SLC5A10: variants seen among roughly 807,000 people sequenced by gnomAD.
SLC5A10 encodes the protein solute carrier family 5 member 10.
Under a neutral mutation model 68.9 loss-of-function variants are expected in SLC5A10, and 55 were observed. The ratio of observed to expected loss-of-function variants is 0.80; its 90% CI spans 0.64 to 1.00. SLC5A10 has a LOEUF of 1.00. Among genes scored for constraint, SLC5A10 ranks in the 50% least tolerant of loss-of-function variants. The pLI, the probability that SLC5A10 is intolerant of heterozygous loss-of-function variation, is 0.00. For synonymous variants in SLC5A10, 344 were observed against 344.8 expected (o/e 1.00, Z 0.02); for missense variants, 732 against 819.3 (o/e 0.89, Z 1.30).
rs1250314380 is a variant in SLC5A10 at position 18,960,295 on chromosome 17, T to C, written c.349-253T>C. Among the ~76,000 whole-genome samples, 5 of 152,278 alleles carry C rather than the reference T, an allele frequency of 3.3e-5. No homozygotes were observed. The South Asian group carries it at 1.0e-3, about 32-fold the overall frequency. On this transcript the variant is annotated intron_variant, in intron 4 of 14. Transcript: ENST00000395645. The stretch of plus-strand genomic sequence containing the variant: ...CGGCCCCTCCAATCCATTCCTCGTC[T>C]CAGCCCTAAAGAGCCAGTCTAGGGA...
At chr17:19,015,724 C>T (rs1025946541) in intron 11 of SLC5A10, among the ~76,000 whole-genome samples, 15 of 152,224 alleles carry the variant, frequency 9.9e-5, no homozygotes, top group African/African-American at 3.4e-4. Context: ...GTGCAGTCCT[C>T]CCTGAGACCC....
intron 9 of SLC5A10, among the ~76,000 whole-genome samples, chr17:18,993,554 A>T (rs966082186): frequency 3.9e-5 from 6 of 152,124 alleles, no homozygotes; most frequent in Non-Finnish European, 7.4e-5. Flanking sequence ...CTCTCTCCTC[A>T]CTATGCTCCA....
At chr17:18,966,441 A>C (rs2042710163) in intron 5 of SLC5A10, among the ~76,000 whole-genome samples, 1 of 151,244 alleles carries the variant, frequency 6.6e-6, no homozygotes, top group Non-Finnish European at 1.5e-5. Context: ...TTGGGCCTTG[A>C]CCTCCCCATC....
rs144243751 is a variant in SLC5A10, at chr17:18,974,308, G to A, written c.847-2546G>A. On this transcript the variant is annotated intron_variant, in intron 8 of 14. Coordinates refer to ENST00000395645, the MANE Select transcript of SLC5A10 (RefSeq NM_001042450.4). ...CCCAAAGTGCTGGGATACAGGCATG[G>A]ACCGTTCACTATCTTCTGGCTCATC... is the stretch of plus-strand genomic sequence containing the variant. Among the ~76,000 whole-genome samples the A allele has an allele frequency of 2.0e-5, 3 of 152,360 alleles. No individual in the cohort carries two copies. The East Asian group carries it at 5.8e-4, about 29-fold the overall frequency.
intron 1 of SLC5A10, chr17:18,953,600 G>C (rs1430777943): frequency 6.6e-6 from 1 of 152,546 alleles, no homozygotes; most frequent in East Asian, 1.9e-4. Context: ...CACAGGACCA[G>C]ACCTTGCTGC....
At chr17:19,006,672 A>C (rs1000636305) in intron 9 of SLC5A10, among the ~76,000 whole-genome samples, 1 of 152,162 alleles carries the variant, frequency 6.6e-6, no homozygotes, top group Non-Finnish European at 1.5e-5. Flanking sequence ...CTCTGTAGCC[A>C]TCCCCACACC....
intron 1 of SLC5A10, among the ~76,000 whole-genome samples, chr17:18,954,712 C>T (rs910980869): frequency 2.6e-5 from 4 of 152,166 alleles, no homozygotes; most frequent in Non-Finnish European, 5.9e-5. Flanking sequence ...TTGAGCTGAG[C>T]CTTTGCATTC....
rs1287759870 is a variant in SLC5A10 at position 18,968,133 on chromosome 17, G to A, written c.454-919G>A. ...GGATCCCTGCCTGGGGGAGCTCAAAGGGGCCTGGGGCCTGCACTTCCTGGG... is the reference window on the plus strand; with the variant it reads ...GGATCCCTGCCTGGGGGAGCTCAAAAGGGCCTGGGGCCTGCACTTCCTGGG... On this transcript the variant is annotated intron_variant, in intron 5 of 14. Transcript: ENST00000395645. This position sits in a 1 kb window ranked among gnomAD's most constrained non-coding sequence, Gnocchi z 4.1. 6.6e-6 allele frequency among the ~76,000 whole-genome samples: 1 copy of A among 152,078 alleles called. No individual in the cohort carries two copies. The highest frequency in any genetic ancestry group is 1.5e-5 in the Non-Finnish European group (1 of 67,984).
chr17:19,017,291 A>T lies in SLC5A10; in HGVS notation c.1241+2092A>T. 1 of 1,551,958 alleles carries T rather than the reference A, an allele frequency of 6.4e-7. No homozygotes were observed. The highest frequency in any genetic ancestry group is 8.7e-7 in the Non-Finnish European group (1 of 1,146,978). The stretch of plus-strand genomic sequence containing the variant: ...TTCCCGTCCCTCTTACAGCACTGGG[A>T]TACCCTCAACACCCCCAGCCCCTCA... On this transcript the variant is annotated intron_variant, in intron 11 of 14. Transcript: ENST00000395645. This position sits in a 1 kb window ranked among gnomAD's most constrained non-coding sequence, Gnocchi z 5.6.
chr17:18,978,040 C>T, intron 9 of SLC5A10: 3 of 1,532,592 alleles, frequency 2.0e-6, no homozygotes, highest in Non-Finnish European at 2.6e-6. Context: ...TCCTGGGTAG[C>T]CTATGGTCTG....
intron 11 of SLC5A10, among the ~76,000 whole-genome samples, chr17:19,016,203 G>A (rs2044136642): frequency 6.6e-6 from 1 of 151,992 alleles, no homozygotes; most frequent in South Asian, 2.1e-4. Context: ...GCACCACCAC[G>A]CCTGGCTACT....
In SLC5A10 at chr17:19,003,578, A is replaced by AT; in HGVS notation, c.983-9831dup. The AT allele has an allele frequency of 6.3e-7, 1 of 1,596,406 alleles. No individual in the cohort carries two copies. Among genetic ancestry groups the AT allele is most frequent in the Non-Finnish European group, 8.5e-7 (1 of 1,171,250 alleles). On this transcript the variant is annotated intron_variant, in intron 9 of 14. Coordinates refer to ENST00000395645, the MANE Select transcript of SLC5A10 (RefSeq NM_001042450.4). The surrounding 1 kb of genome is among the most constrained non-coding windows in gnomAD (Gnocchi z 4.5). ...CTCTTTGATGTGGGCCTGCCCGTCT[A>AT]TGGGGGGCTGCATGTAGACGCTAGC...
At chr17:18,952,096 A>G (rs1260020878), upstream of SLC5A10, 2 of 1,474,718 alleles carry the variant, frequency 1.4e-6, no homozygotes, top group Non-Finnish European at 9.0e-7. Flanking sequence ...TGGAGATGCC[A>G]CTGTCCGCTT....
In SLC5A10 at chr17:19,017,608, G is replaced by A. The variant is rs992668409; in HGVS notation, c.1242-1815G>A. On this transcript the variant is annotated intron_variant, in intron 11 of 14. Coordinates refer to ENST00000395645, the MANE Select transcript of SLC5A10 (RefSeq NM_001042450.4). The surrounding 1 kb of genome is among the most constrained non-coding windows in gnomAD (Gnocchi z 5.6). ...GACCCGCCCCCACTCCCGTATGCCTGCCCCAAGCCCCCACACCTCAGTCCA... is the reference window on the plus strand; with the variant it reads ...GACCCGCCCCCACTCCCGTATGCCTACCCCAAGCCCCCACACCTCAGTCCA... The A allele has an allele frequency of 9.2e-5, 50 of 542,178 alleles. 2 individuals are homozygous for A. Among genetic ancestry groups the A allele is most frequent in the Admixed American group, 3.8e-4 (12 of 31,568 alleles). 33.6% of individuals were successfully genotyped at this position (542,178 alleles called of 1,614,324 possible). A position where few individuals can be genotyped will look rare whatever the true frequency, so the allele number is the denominator to read the frequency against.
At chr17:18,950,738 T>A, upstream of SLC5A10, 1 of 971,822 alleles carries the variant, frequency 1.0e-6, no homozygotes, top group Non-Finnish European at 1.2e-6. Flanking sequence ...TTTTGTGAGA[T>A]GGAGTCTCCC....
chr17:18,960,939 C>G (rs2042602169), intron 5 of SLC5A10, among the ~76,000 whole-genome samples: 1 of 152,156 alleles, frequency 6.6e-6, no homozygotes, highest in South Asian at 2.1e-4. Flanking sequence ...TAGGACGGTT[C>G]TCGGTCTGAG....
At chr17:19,010,496 A>G (rs962678697) in intron 9 of SLC5A10, among the ~76,000 whole-genome samples, 2 of 152,106 alleles carry the variant, frequency 1.3e-5, no homozygotes, top group African/African-American at 2.4e-5. Flanking sequence ...CTGTGTTTCA[A>G]TGGTGACACC....
intron 9 of SLC5A10, among the ~76,000 whole-genome samples, chr17:19,008,445 G>A (rs1195658297): frequency 6.6e-6 from 1 of 151,364 alleles, no homozygotes; most frequent in Non-Finnish European, 1.5e-5. Flanking sequence ...TAGGTTTTTG[G>A]CCTATAGATG....
chr17:18,988,410 A>G, intron 9 of SLC5A10: 2 of 1,613,942 alleles, frequency 1.2e-6, no homozygotes, highest in Non-Finnish European at 1.7e-6. Context: ...GACCACAGCT[A>G]TCACCTGGGA....
Sources: gnomAD v4.1 joint callset for allele counts (sites outside exome capture counted in the v4.1 genomes callset) on GRCh38, gnomAD v4.1.1 for gene constraint, Gnocchi (gnomAD v3.1) non-coding constraint, MANE v1.5 for transcripts, NCBI Gene and HGNC (gene_info 2026-07-23, HGNC 2026-07-21) for gene names.